Variants in ARHGEF17 observed in about 807,000 individuals in gnomAD.
ARHGEF17 encodes Rho guanine nucleotide exchange factor 17, also known as 164 kDa Rho-specific guanine-nucleotide exchange factor.
In ARHGEF17, 80 loss-of-function variants were observed where a neutral mutation model predicts 174.0. That is an observed-to-expected ratio of 0.46 (90% CI 0.38 to 0.55). ARHGEF17 has a LOEUF of 0.55. Among genes scored for constraint, ARHGEF17 ranks in the 20% least tolerant of loss-of-function variants. ARHGEF17 has a pLI of 0.00. For missense variants in ARHGEF17, 2,886 were observed against 2,839.7 expected, an observed-to-expected ratio of 1.02 and a Z score of -0.37; for synonymous variants, 1,311 against 1,189.1, an observed-to-expected ratio of 1.10 and a Z score of -2.11.
chr11:73,327,102 A>G (rs779134350), intron 1 of ARHGEF17, among the ~76,000 whole-genome samples: 28 of 152,190 alleles, frequency 1.8e-4, no homozygotes, highest in Non-Finnish European at 2.9e-4. Flanking sequence ...TGGTGCTCCT[A>G]TGAGCAGGCA....
chr11:73,311,206 G>GCTGCCTCCATCCAGCAGCGAGCCCATC lies in ARHGEF17; in HGVS notation c.2571_2597dup (p.Pro858_Leu866dup). On this transcript the variant is annotated inframe_insertion, in exon 1 of 21. Transcript: ENST00000263674. The stretch of plus-strand genomic sequence containing the variant: ...AGCCCATCCGAGAAGTTGAGCCCAT[G>GCTGCCTCCATCCAGCAGCGAGCCCATC]CTGCCTCCATCCAGCAGCGAGCCCA... 6.2e-7 allele frequency: 1 copy of GCTGCCTCCATCCAGCAGCGAGCCCATC among 1,600,832 alleles called. No homozygotes were observed. Among genetic ancestry groups the GCTGCCTCCATCCAGCAGCGAGCCCATC allele is most frequent in the Non-Finnish European group, 8.5e-7 (1 of 1,171,076 alleles).
At chr11:73,353,170 C>A in intron 3 of ARHGEF17, 158 bp downstream of exon 3, 1 of 969,522 alleles carries the variant, frequency 1.0e-6, no homozygotes. Flanking sequence ...CTTACCCCAG[C>A]CCCTGGGTGG....
At chr11:73,347,704 C>A (rs542546765) in intron 2 of ARHGEF17, among the ~76,000 whole-genome samples, 2 of 152,300 alleles carry the variant, frequency 1.3e-5, no homozygotes, top group South Asian at 4.1e-4. Context: ...TGCCAGGGTC[C>A]GTGGATGATC....
rs889236692 is a variant in ARHGEF17 at position 73,348,844 on chromosome 11, G to C, written c.3270+1884G>C. Among the ~76,000 whole-genome samples, 4 of 152,186 alleles carry C rather than the reference G, an allele frequency of 2.6e-5. No homozygotes were observed. The South Asian group carries it at 8.3e-4, about 31-fold the overall frequency. On this transcript the variant is annotated intron_variant, in intron 2 of 20. Coordinates refer to ENST00000263674, the MANE Select transcript of ARHGEF17 (RefSeq NM_014786.4). ...TGCATGGGGAGATGAGAACACAGAA[G>C]GGGGCCTACCCTGGTGTCGGGGTCA...
Position 73,314,380 on chromosome 11 carries a change from TC to T in ARHGEF17, c.3192+2551del, listed in dbSNP as rs1864894428. Among the ~76,000 whole-genome samples the T allele has an allele frequency of 6.6e-5, 10 of 152,228 alleles. No individual in the cohort carries two copies. In the South Asian group the frequency reaches 2.1e-3, roughly 32 times the overall value. On this transcript the variant is annotated intron_variant, in intron 1 of 20. Transcript: ENST00000263674. The stretch of plus-strand genomic sequence containing the variant: ...TTCACCCTCAGGTCCACATTCGTGC[TC>T]TGTGTGGTGTTGCCCCCATTGCCGG...
In ARHGEF17 at chr11:73,360,522, A is replaced by G; in HGVS notation, c.4409A>G (p.Lys1470Arg). 6.2e-7 allele frequency: 1 copy of G among 1,613,814 alleles called. No homozygotes were observed. The highest frequency in any genetic ancestry group is 2.2e-5 in the East Asian group (1 of 44,876). The change falls in exon 11 of 21, where the codon AAG (lysine) becomes AGG (arginine). Residue 1470 changes from lysine (K) to arginine (R), a missense_variant. Physicochemically the swap from Lys to Arg is conservative, Grantham distance 26. This residue lies in a region of ARHGEF17 where 476 missense variants were observed against 473.1 expected (regional missense o/e 1.01). Transcript: ENST00000263674. ...LGFEQAFDEA[K>R]RKLASSKSCL... ...TTTGAACAGGCCTTCGATGAGGCCA[A>G]GAGGAAGCTGGGTAAGCCAAGGCAC...
intron 1 of ARHGEF17, among the ~76,000 whole-genome samples, chr11:73,334,066 G>C (rs1865250993): frequency 6.6e-6 from 1 of 152,216 alleles, no homozygotes; most frequent in African/African-American, 2.4e-5. Flanking sequence ...GCTGGAACAA[G>C]GCAGAAGTGC....
chr11:73,334,074 T>C (rs1407868292), intron 1 of ARHGEF17, among the ~76,000 whole-genome samples: 1 of 152,230 alleles, frequency 6.6e-6, no homozygotes, highest in African/African-American at 2.4e-5. Context: ...AAGGCAGAAG[T>C]GCACCCTCCC....
At chr11:73,344,249 CACCCCCGCA>C (rs1865423427) in intron 1 of ARHGEF17, among the ~76,000 whole-genome samples, 1 of 152,096 alleles carries the variant, frequency 6.6e-6, no homozygotes, top group Non-Finnish European at 1.5e-5. Context: ...CTCCCCTGTC[CACCCCCGCA>C]ACCCCCGCAC....
chr11:73,315,749 G>T (rs1477722112), intron 1 of ARHGEF17, among the ~76,000 whole-genome samples: 1 of 152,170 alleles, frequency 6.6e-6, no homozygotes, highest in Non-Finnish European at 1.5e-5. Context: ...GGGCTCTTGG[G>T]GGGAACACTG....
Position 73,356,198 on chromosome 11 carries a change from G to A in ARHGEF17, c.3687G>A (p.Glu1229=). ...AGGACCTCCTGAAGCATACACCTGA[G>A]GACCACCCGGACCATCCACTCCTGC... ...LVKDLLKHTP[E]DHPDHPLLLE... Residue 1229 remains glutamate (E), a synonymous_variant, in exon 6 of 21, where the codon GAG becomes GAA. Coordinates refer to ENST00000263674, the MANE Select transcript of ARHGEF17 (RefSeq NM_014786.4). 1 of 1,613,838 alleles carries A rather than the reference G, an allele frequency of 6.2e-7. No individual in the cohort carries two copies. The highest frequency in any genetic ancestry group is 8.5e-7 in the Non-Finnish European group (1 of 1,180,012).
intron 3 of ARHGEF17, among the ~76,000 whole-genome samples, chr11:73,354,575 G>C (rs1005186347): frequency 1.3e-5 from 2 of 152,158 alleles, no homozygotes; most frequent in African/African-American, 4.8e-5. Flanking sequence ...TTAGGTGGGC[G>C]TGGTGGCATG....
At chr11:73,354,633 G>A (rs917244692) in intron 3 of ARHGEF17, among the ~76,000 whole-genome samples, 21 of 151,608 alleles carry the variant, frequency 1.4e-4, no homozygotes, top group Non-Finnish European at 2.2e-4. Flanking sequence ...AGAATCGCCC[G>A]AACCTGGGTG....
rs1191363155 is a variant in ARHGEF17, at chr11:73,352,934, G to A, written c.3375G>A (p.Glu1125=). The A allele has an allele frequency of 3.7e-6, 6 of 1,614,176 alleles. No homozygotes were observed. In the South Asian group the frequency reaches 6.6e-5, roughly 18 times the overall value. ...TCCCCGAGCTCCTGGAGCACCACGA[G>A]CAATTCCTGGAGCAGGTTCGGCACT... is the stretch of plus-strand genomic sequence containing the variant. ...DQIPELLEHH[E]QFLEQVRHCM... The change falls in exon 3 of 21, where the codon GAG becomes GAA. Residue 1125 remains glutamate, a synonymous_variant. Transcript: ENST00000263674.
chr11:73,360,408 C>T lies in ARHGEF17; in HGVS notation c.4295C>T (p.Pro1432Leu), dbSNP rs140312706. 228 of 1,613,974 alleles carry T rather than the reference C, an allele frequency of 1.4e-4. 1 individual carries two copies. The highest frequency in any genetic ancestry group is 4.2e-4 in the Admixed American group (25 of 60,034). The change falls in exon 11 of 21, where the codon CCG (proline) becomes CTG (leucine). Residue 1432 changes from proline (P) to leucine (L), a missense_variant. This residue lies in a region of ARHGEF17 where 476 missense variants were observed against 473.1 expected (regional missense o/e 1.01). Coordinates refer to ENST00000263674, the MANE Select transcript of ARHGEF17 (RefSeq NM_014786.4). ...KQALCYALSF[P>L]PTKLELCATR... ...GCGCTGTGCTACGCGCTTTCCTTCC[C>T]GCCAACCAAGCTGGAGCTGTGCGCC... is the stretch of plus-strand genomic sequence containing the variant.
intron 2 of ARHGEF17, 38 bp downstream of exon 2, chr11:73,346,998 C>A (rs746738901): frequency 1.6e-5 from 25 of 1,573,376 alleles, no homozygotes; most frequent in Middle Eastern, 3.3e-4. Flanking sequence ...AATGGCCTTT[C>A]TGAGCCTAGG....
intron 1 of ARHGEF17, among the ~76,000 whole-genome samples, chr11:73,345,366 CCTT>C (rs1386452387): frequency 6.6e-6 from 1 of 152,102 alleles, no homozygotes; most frequent in Non-Finnish European, 1.5e-5. Context: ...CAAGGGGTGT[CCTT>C]CACACCCCCA....
In ARHGEF17 at chr11:73,353,012, G is replaced by T; in HGVS notation, c.3453G>T (p.Ser1151=). Residue 1151 remains serine, a splice_region_variant and synonymous_variant, in exon 3 of 21, where the codon TCG becomes TCT. Coordinates refer to ENST00000263674, the MANE Select transcript of ARHGEF17 (RefSeq NM_014786.4). The part of the protein sequence containing the change: ...QQKVGALLVQ[S]FSKDVLVNIY... ...AGGTGGGAGCCCTGCTCGTCCAGTC[G>T]GTGAGTGGCCCCGCTGCTGCCAATT... The T allele has an allele frequency of 6.2e-7, 1 of 1,613,470 alleles. No homozygotes were observed. Among genetic ancestry groups the T allele is most frequent in the Non-Finnish European group, 8.5e-7 (1 of 1,179,882 alleles).
Position 73,355,638 on chromosome 11 carries a change from A to C in ARHGEF17, c.3559A>C (p.Lys1187Gln). The C allele has an allele frequency of 6.2e-7, 1 of 1,613,816 alleles. No individual in the cohort carries two copies. Among genetic ancestry groups the C allele is most frequent in the South Asian group, 1.1e-5 (1 of 91,082 alleles). Reference sequence around the variant, plus strand: ...CAAGGAGGCGAGGCCTGCCTTTCTCAAGTTCCTAGAGGTACTGTGGGCTAG... The same window carrying C: ...CAAGGAGGCGAGGCCTGCCTTTCTCCAGTTCCTAGAGGTACTGTGGGCTAG... Reference protein sequence around the residue: ...VAKEARPAFLKFLEQSMRENK... With the variant: ...VAKEARPAFLQFLEQSMRENK... Residue 1187 changes from lysine to glutamine, a missense_variant, in exon 4 of 21, where the codon AAG becomes CAG. Physicochemically the swap from Lys to Gln is moderately conservative, Grantham distance 53 (BLOSUM62 1). Transcript: ENST00000263674.
Sources: allele counts gnomAD v4.1 joint callset (sites outside exome capture counted in the v4.1 genomes callset), GRCh38; gene constraint gnomAD v4.1.1; regional missense constraint gnomAD v4.1.1; transcripts MANE v1.5; gene names NCBI Gene and HGNC (gene_info 2026-07-23, HGNC 2026-07-21).